RBFOX1: variants seen among roughly 807,000 people sequenced by gnomAD.
The protein encoded by RBFOX1 is RNA binding protein fox-1 homolog 1.
Under a neutral mutation model 57.7 loss-of-function variants are expected in RBFOX1, and 8 were observed. That is an observed-to-expected ratio of 0.14 (90% CI 0.08 to 0.25). The LOEUF (loss-of-function observed/expected upper bound fraction) is 0.25. Ranked by LOEUF, RBFOX1 falls within the 10% of genes least tolerant of loss-of-function variation. RBFOX1 has a pLI of 1.00. For missense variants in RBFOX1, 611 were observed against 548.5 expected, an observed-to-expected ratio of 1.11 and a Z score of -1.14; for synonymous variants, 326 against 222.4, an observed-to-expected ratio of 1.47 and a Z score of -4.15.
At chr16:6,928,923 G>A (rs1202047262) in intron 3 of RBFOX1, among the ~76,000 whole-genome samples, 1 of 152,012 alleles carries the variant, frequency 6.6e-6, no homozygotes, top group Non-Finnish European at 1.5e-5. Flanking sequence ...GTCAGATATG[G>A]GGGCTTCAAG....
chr16:7,104,044 A>T (rs1193851700), intron 4 of RBFOX1, among the ~76,000 whole-genome samples: 2 of 152,202 alleles, frequency 1.3e-5, no homozygotes, highest in African/African-American at 4.8e-5. Flanking sequence ...CCACATATAA[A>T]ATCTAAAATA....
intron 3 of RBFOX1, among the ~76,000 whole-genome samples, chr16:6,655,373 CAAAAAAAAAAAAAAAAAAAA>C (rs71406388): frequency 5.9e-5 from 2 of 33,738 alleles, no homozygotes; most frequent in African/African-American, 2.5e-4. Context: ...GCCTCCGTTT[CAAAAAAAAAAAAAAAAAAAA>C]AAAAAAAAAA....
chr16:5,910,422 C>T (rs576363711), intron 4 of RBFOX1, among the ~76,000 whole-genome samples: 1 of 152,346 alleles, frequency 6.6e-6, no homozygotes, highest in Admixed American at 6.5e-5. Context: ...ATGGGAGGTT[C>T]AATTCATCCA....
At chr16:6,706,073 C>A (rs150348711) in intron 3 of RBFOX1, among the ~76,000 whole-genome samples, 2 of 152,274 alleles carry the variant, frequency 1.3e-5, no homozygotes, top group South Asian at 2.1e-4. Flanking sequence ...TGTGGACCAC[C>A]TTTCACGCCT....
chr16:6,043,274 C>T (rs1040728562), intron 1 of RBFOX1, among the ~76,000 whole-genome samples: 1 of 151,748 alleles, frequency 6.6e-6, no homozygotes, highest in Non-Finnish European at 1.5e-5. Context: ...TAAAAGGTGT[C>T]CGTCTCCCAC....
chr16:7,448,117 G>C (rs559146494), intron 4 of RBFOX1, among the ~76,000 whole-genome samples: 2 of 152,328 alleles, frequency 1.3e-5, no homozygotes, highest in Admixed American at 1.3e-4. Context: ...GAGACTCAAA[G>C]GATGAATGGC....
At chr16:5,555,406 A>G (rs1410534201) in intron 2 of RBFOX1, among the ~76,000 whole-genome samples, 1 of 151,742 alleles carries the variant, frequency 6.6e-6, no homozygotes, top group Non-Finnish European at 1.5e-5. Context: ...ATGAGCCACC[A>G]GGCCTGGCAA....
At chr16:6,048,494 A>C (rs2095518067) in intron 1 of RBFOX1, among the ~76,000 whole-genome samples, 1 of 152,230 alleles carries the variant, frequency 6.6e-6, no homozygotes, top group Admixed American at 6.5e-5. Context: ...TTTCTGGATT[A>C]AAGTACGTGC....
intron 4 of RBFOX1, among the ~76,000 whole-genome samples, chr16:7,464,947 T>A (rs967686376): frequency 2.0e-5 from 3 of 151,950 alleles, no homozygotes; most frequent in Admixed American, 6.6e-5. Context: ...TCAGTCCACC[T>A]CGGCCTCCCA....
At chr16:5,951,836 C>T (rs1392458473) in intron 4 of RBFOX1, among the ~76,000 whole-genome samples, 4 of 151,514 alleles carry the variant, frequency 2.6e-5, no homozygotes, top group Non-Finnish European at 5.9e-5. Flanking sequence ...TTGCATTTTC[C>T]AAAAGTAGTG....
At chr16:5,331,218 G>T (rs1466543260) in intron 1 of RBFOX1, among the ~76,000 whole-genome samples, 1 of 152,182 alleles carries the variant, frequency 6.6e-6, no homozygotes, top group African/African-American at 2.4e-5. Context: ...GGCTTGGCTT[G>T]GCCCAGCTCG....
intron 2 of RBFOX1, among the ~76,000 whole-genome samples, chr16:6,547,074 A>G (rs1443231415): frequency 6.6e-6 from 1 of 152,228 alleles, no homozygotes; most frequent in East Asian, 1.9e-4. Flanking sequence ...GCTGAAGCAG[A>G]AATGTGTTCT....
At chr16:7,471,134 T>G (rs1305481926) in intron 4 of RBFOX1, among the ~76,000 whole-genome samples, 4 of 152,182 alleles carry the variant, frequency 2.6e-5, no homozygotes, top group African/African-American at 7.2e-5. Context: ...CTTGTTTATT[T>G]GCCATTATTC....
rs918624451 is a variant in RBFOX1 at position 7,335,483 on chromosome 16, A to C, written c.28-182664A>C. ...GAGATTACTTTTCAAGGTCTTTCCAACCTCAAGAGATTTTGTGGCAGAGTG... is the reference window on the plus strand; with the variant it reads ...GAGATTACTTTTCAAGGTCTTTCCACCCTCAAGAGATTTTGTGGCAGAGTG... On this transcript the variant is annotated intron_variant, in intron 4 of 15. Coordinates refer to ENST00000550418, the MANE Select transcript of RBFOX1 (RefSeq NM_018723.4). 3.3e-5 allele frequency among the ~76,000 whole-genome samples: 5 copies of C among 151,468 alleles called. No individual in the cohort carries two copies. The Admixed American group carries it at 3.3e-4, about 10-fold the overall frequency.
At chr16:7,300,918 G>A (rs1234288947) in intron 4 of RBFOX1, among the ~76,000 whole-genome samples, 1 of 152,146 alleles carries the variant, frequency 6.6e-6, no homozygotes, top group African/African-American at 2.4e-5. Context: ...ATGCAGGCAG[G>A]GTGGCCCTTG....
At chr16:5,501,095 C>A (rs183304605) in intron 2 of RBFOX1, among the ~76,000 whole-genome samples, 3 of 152,076 alleles carry the variant, frequency 2.0e-5, no homozygotes, top group Non-Finnish European at 4.4e-5. Context: ...GTGGGCGGGT[C>A]ACCTGAGGTC....
At chr16:7,506,184 C>CAA (rs552568132) in intron 4 of RBFOX1, among the ~76,000 whole-genome samples, 821 of 49,904 alleles carry the variant, frequency 0.016, 52 homozygotes, top group East Asian at 0.043. Context: ...GACTCTGTCT[C>CAA]AAAAAAAAAA....
At chr16:5,930,119 C>T (rs764719826) in intron 4 of RBFOX1, among the ~76,000 whole-genome samples, 1 of 151,266 alleles carries the variant, frequency 6.6e-6, no homozygotes, top group Non-Finnish European at 1.5e-5. Context: ...GGATGGGAGA[C>T]AGGGTGCCTC....
chr16:5,442,853 C>T (rs562484604), intron 1 of RBFOX1, among the ~76,000 whole-genome samples: 1 of 152,244 alleles, frequency 6.6e-6, no homozygotes, highest in Non-Finnish European at 1.5e-5. Context: ...AAGGTCTTTG[C>T]AGATGTGATT....
Sources: allele counts gnomAD v4.1 joint callset (sites outside exome capture counted in the v4.1 genomes callset), GRCh38; gene constraint gnomAD v4.1.1; transcripts MANE v1.5; gene names NCBI Gene and HGNC (gene_info 2026-07-23, HGNC 2026-07-21).